CAMK2A: variants seen among roughly 807,000 people sequenced by gnomAD.
CAMK2A encodes calcium/calmodulin dependent protein kinase II alpha.
Under a neutral mutation model 79.2 loss-of-function variants are expected in CAMK2A, and 7 were observed. That is an observed-to-expected ratio of 0.09 (90% CI 0.05 to 0.17). The LOEUF (loss-of-function observed/expected upper bound fraction) is 0.17, where lower values mean the gene tolerates loss of function less well. Ranked by LOEUF, CAMK2A falls within the 10% of genes least tolerant of loss-of-function variation. The pLI is 1.00. For synonymous variants in CAMK2A, 242 were observed against 251.7 expected, an observed-to-expected ratio of 0.96 and a Z score of 0.36; for missense variants, 214 against 646.4, an observed-to-expected ratio of 0.33 and a Z score of 7.25.
intron 11 of CAMK2A, 54 bp from the exon 12 acceptor site, chr5:150,247,868 A>C (rs1755642496): frequency 1.1e-5 from 16 of 1,498,230 alleles, no homozygotes; most frequent in Non-Finnish European, 1.5e-5. Context: ...GAAGGGACCC[A>C]GGAGGGACAG....
In CAMK2A at chr5:150,289,633, C is replaced by G. The variant is rs184860162; in HGVS notation, c.-8G>C. The G allele has an allele frequency of 6.2e-7, 1 of 1,613,094 alleles. No individual in the cohort carries two copies. The highest frequency in any genetic ancestry group is 1.7e-5 in the Admixed American group (1 of 59,996). On this transcript the variant is annotated 5_prime_UTR_variant, in exon 1 of 19. Transcript: ENST00000671881. ...GCAGGTGATGGTGGCCATCCTGGCG[C>G]TGGGCAGGCAGGTGAGGCTTGGGAC...
Position 150,220,236 on chromosome 5 carries a change from C to T in CAMK2A, c.*2474G>A, listed in dbSNP as rs1477012357. 1 of 152,292 alleles carries T rather than the reference C, an allele frequency of 6.6e-6. No homozygotes were observed. Among genetic ancestry groups the T allele is most frequent in the Non-Finnish European group, 1.5e-5 (1 of 68,056 alleles). The allele number at this position is 152,292 out of a possible 1,614,324, so 9.4% of individuals were successfully genotyped here. A position where few individuals can be genotyped will look rare whatever the true frequency, so the allele number is the denominator to read the frequency against. ...GGAAAGGAACTTGCCCAAGGTCACA[C>T]AGCAAGTCTGGTCAGAGCTGGGAAT... On this transcript the variant is annotated 3_prime_UTR_variant, in exon 19 of 19. Transcript: ENST00000671881.
At chr5:150,226,806 T>C (rs935013286) in intron 17 of CAMK2A, among the ~76,000 whole-genome samples, 4 of 149,998 alleles carry the variant, frequency 2.7e-5, no homozygotes, top group African/African-American at 9.9e-5. Flanking sequence ...TTTTTGTTTT[T>C]TGTGTTTTTT....
intron 1 of CAMK2A, 116 bp from the exon 2 acceptor site, chr5:150,273,275 C>T (rs1756826467): frequency 4.0e-6 from 3 of 748,528 alleles, no homozygotes; most frequent in South Asian, 3.4e-5. Context: ...ATCAGAGCTG[C>T]TCAAGCTCAC....
At chr5:150,258,666 C>G (rs892628772) in intron 3 of CAMK2A, among the ~76,000 whole-genome samples, 12 of 152,186 alleles carry the variant, frequency 7.9e-5, no homozygotes, top group African/African-American at 2.9e-4. Context: ...GGAGTTGGGT[C>G]ATGAGAGGAG....
intron 1 of CAMK2A, among the ~76,000 whole-genome samples, chr5:150,275,709 T>C (rs1175770559): frequency 6.6e-6 from 1 of 152,162 alleles, no homozygotes; most frequent in Non-Finnish European, 1.5e-5. Context: ...AGGGTACAGA[T>C]GAACAGCTAG....
rs1430457826 is a variant in CAMK2A at position 150,256,540 on chromosome 5, C to A, written c.411+33G>T. ...GACGTGCAGAGGAGAGAGGGGCTCC[C>A]GGGGTGAGCCACACCCACGGTGGGT... On this transcript the variant is annotated intron_variant, in intron 6 of 18. Transcript: ENST00000671881. This position sits in a 1 kb window ranked among gnomAD's most constrained non-coding sequence, Gnocchi z 4.6. 7.1e-6 allele frequency: 11 copies of A among 1,541,010 alleles called. No individual in the cohort carries two copies. Among genetic ancestry groups the A allele is most frequent in the Non-Finnish European group, 9.9e-6 (11 of 1,115,772 alleles).
At chr5:150,236,216 T>C (rs1242756419) in intron 15 of CAMK2A, among the ~76,000 whole-genome samples, 1 of 152,228 alleles carries the variant, frequency 6.6e-6, no homozygotes, top group Admixed American at 6.5e-5. Context: ...AAAACGTCCT[T>C]GATGGCTCCT....
At chr5:150,271,154 C>G (rs1261356855) in intron 2 of CAMK2A, among the ~76,000 whole-genome samples, 1 of 152,258 alleles carries the variant, frequency 6.6e-6, no homozygotes, top group East Asian at 1.9e-4. Flanking sequence ...ACAGCAATGG[C>G]AAGGCCAATC....
At position 150,219,803 on chromosome 5, in the gene CAMK2A, T is replaced by C. The variant is rs1754211734; in HGVS notation, c.*2907A>G. The C allele has an allele frequency of 6.6e-6, 1 of 152,360 alleles. No homozygotes were observed. The highest frequency in any genetic ancestry group is 6.6e-5 in the Admixed American group (1 of 15,260). The allele number at this position is 152,360 out of a possible 1,614,324, so 9.4% of individuals were successfully genotyped here. On this transcript the variant is annotated 3_prime_UTR_variant, in exon 19 of 19. Transcript: ENST00000671881. ...GGTGGGCACAAACCCAGGAGAACAC[T>C]TTCCTGTAAACGTGTTTTCATGCTG...
chr5:150,252,912 A>G (rs1282679713), intron 7 of CAMK2A, among the ~76,000 whole-genome samples: 3 of 152,210 alleles, frequency 2.0e-5, no homozygotes, highest in South Asian at 2.1e-4. Flanking sequence ...GTTCTTAACC[A>G]TGGCTCAATA....
Position 150,289,631 on chromosome 5 carries a change from C to G in CAMK2A, c.-6G>C, listed in dbSNP as rs751507916. On this transcript the variant is annotated 5_prime_UTR_variant, in exon 1 of 19. Coordinates refer to ENST00000671881, the MANE Select transcript of CAMK2A (RefSeq NM_015981.4). ...GTGCAGGTGATGGTGGCCATCCTGG[C>G]GCTGGGCAGGCAGGTGAGGCTTGGG... The G allele has an allele frequency of 6.2e-7, 1 of 1,613,390 alleles. No individual in the cohort carries two copies.
chr5:150,283,902 C>T (rs1757316990), intron 1 of CAMK2A, among the ~76,000 whole-genome samples: 1 of 152,136 alleles, frequency 6.6e-6, no homozygotes, highest in Non-Finnish European at 1.5e-5. Flanking sequence ...ACACCAAGGC[C>T]CTCAACCTTC....
At chr5:150,262,358 C>T (rs918458675) in intron 3 of CAMK2A, among the ~76,000 whole-genome samples, 2 of 152,166 alleles carry the variant, frequency 1.3e-5, no homozygotes, top group African/African-American at 2.4e-5. Context: ...CCTCTTTGCA[C>T]GTCTTTGGGA....
intron 1 of CAMK2A, among the ~76,000 whole-genome samples, chr5:150,283,585 C>T (rs929444233): frequency 3.3e-5 from 5 of 152,194 alleles, no homozygotes; most frequent in African/African-American, 7.2e-5. Flanking sequence ...CTAATGTCAC[C>T]GCCTCAGGGA....
chr5:150,272,645 C>T (rs1756798496), intron 2 of CAMK2A, among the ~76,000 whole-genome samples: 1 of 151,514 alleles, frequency 6.6e-6, no homozygotes, highest in African/African-American at 2.4e-5. Flanking sequence ...GTCAGGAAAA[C>T]CTCTCAAAGG....
At chr5:150,277,808 A>G (rs1292781362) in intron 1 of CAMK2A, among the ~76,000 whole-genome samples, 2 of 152,192 alleles carry the variant, frequency 1.3e-5, no homozygotes, top group Non-Finnish European at 2.9e-5. Context: ...TCAAATATAC[A>G]TTCACCACTA....
rs928636452 is a variant in CAMK2A, at chr5:150,289,590, C to G, written c.36G>C (p.Glu12Asp). The G allele has an allele frequency of 1.9e-6, 3 of 1,614,116 alleles. No homozygotes were observed. In the African/African-American group the frequency reaches 4.0e-5, roughly 22 times the overall value. ...ATITCTRFTE[E>D]YQLFEELGKG... ...TGCCCAATTCCTCGAAGAGCTGGTA[C>G]TCTTCCGTGAAGCGGGTGCAGGTGA... The change falls in exon 1 of 19, where the codon GAG (glutamate) becomes GAC (aspartate). Residue 12 changes from glutamate to aspartate, a missense_variant. By Grantham distance (45) the Glu-to-Asp change is conservative. Coordinates refer to ENST00000671881, the MANE Select transcript of CAMK2A (RefSeq NM_015981.4).
intron 1 of CAMK2A, among the ~76,000 whole-genome samples, chr5:150,273,984 A>C (rs578097476): frequency 1.8e-4 from 27 of 152,350 alleles, no homozygotes; most frequent in African/African-American, 6.3e-4. Flanking sequence ...TTGTTTGCTG[A>C]TTTCAATGGA....
Sources: allele counts gnomAD v4.1 joint callset (sites outside exome capture counted in the v4.1 genomes callset), GRCh38; gene constraint gnomAD v4.1.1; non-coding constraint Gnocchi (gnomAD v3.1); transcripts MANE v1.5; gene names NCBI Gene and HGNC (gene_info 2026-07-23, HGNC 2026-07-21).